PELP1: variants seen among roughly 807,000 people sequenced by gnomAD.
The protein encoded by PELP1 is proline, glutamate and leucine rich protein 1.
Under a neutral mutation model 95.5 loss-of-function variants are expected in PELP1, and 32 were observed. The ratio of observed to expected loss-of-function variants is 0.34; its 90% CI spans 0.25 to 0.45. PELP1 has a LOEUF of 0.45. Among genes scored for constraint, PELP1 ranks in the 20% least tolerant of loss-of-function variants. The probability of loss-of-function intolerance (pLI) is 1.00; values close to 1 mark genes in which losing one functional copy is unlikely to be tolerated. For synonymous variants in PELP1, 668 were observed against 600.1 expected (o/e 1.11, Z -1.65); for missense variants, 1,358 against 1,444.8 (o/e 0.94, Z 0.97).
At chr17:4,702,504 T>C (rs1034597174) in intron 1 of PELP1, among the ~76,000 whole-genome samples, 2 of 152,150 alleles carry the variant, frequency 1.3e-5, no homozygotes, top group African/African-American at 2.4e-5. Flanking sequence ...GAAAACCACA[T>C]AAATTAGAAG....
Position 4,670,872 on chromosome 17 carries a change from C to A in PELP1, c.*567G>T, listed in dbSNP as rs1912168922. 6.5e-6 allele frequency: 1 copy of A among 154,144 alleles called. No individual in the cohort carries two copies. The highest frequency in any genetic ancestry group is 1.4e-5 in the Non-Finnish European group (1 of 69,532). The allele number at this position is 154,144 out of a possible 1,614,324, so 9.5% of individuals were successfully genotyped here. On this transcript the variant is annotated 3_prime_UTR_variant, in exon 17 of 17. Coordinates refer to ENST00000572293, the MANE Select transcript of PELP1 (RefSeq NM_014389.3). ...CTAGCCCCAAAACAGAGGTCATTCC[C>A]AACGTACCCACTACGGACACCCTTT...
At chr17:4,703,811 G>C (rs1913648370) in intron 1 of PELP1, 52 bp downstream of exon 1, 7 of 1,496,948 alleles carry the variant, frequency 4.7e-6, no homozygotes, top group African/African-American at 1.4e-5. Context: ...CGGCGCACAG[G>C]TGCCGCGCCA....
rs1183924973 is a variant in PELP1 at position 4,671,377 on chromosome 17, G to A, written c.*62C>T. On this transcript the variant is annotated 3_prime_UTR_variant, in exon 17 of 17. Coordinates refer to ENST00000572293, the MANE Select transcript of PELP1 (RefSeq NM_014389.3). ...GACCCAGGTGTGGCAAAAGGCAGAA[G>A]CAGCAGTCGCTATCTAAGGACATAA... The A allele has an allele frequency of 1.1e-6, 1 of 938,572 alleles. No homozygotes were observed. Among genetic ancestry groups the A allele is most frequent in the Admixed American group, 1.8e-5 (1 of 54,828 alleles). 58.1% of individuals were successfully genotyped at this position (938,572 alleles called of 1,614,324 possible).
chr17:4,697,446 C>A (rs1467667333), intron 1 of PELP1, among the ~76,000 whole-genome samples: 1 of 152,006 alleles, frequency 6.6e-6, no homozygotes, highest in Non-Finnish European at 1.5e-5. Flanking sequence ...CCTGGAAGAT[C>A]AAGGATGCAG....
At chr17:4,700,992 TAA>T (rs34278447) in intron 1 of PELP1, among the ~76,000 whole-genome samples, 2,277 of 29,114 alleles carry the variant, frequency 0.078, 17 homozygotes, top group Middle Eastern at 0.22. Context: ...AAAGTTCCAC[TAA>T]AAAAAAAAAA....
chr17:4,674,733 GAC>G, intron 12 of PELP1, 64 bp from the exon 13 acceptor site: 1 of 1,587,050 alleles, frequency 6.3e-7, no homozygotes, highest in Non-Finnish European at 8.6e-7. Context: ...AGCCACAGCA[GAC>G]AGTGTTTCCT....
chr17:4,683,915 C>G (rs1335592112), intron 3 of PELP1, among the ~76,000 whole-genome samples: 1 of 148,262 alleles, frequency 6.7e-6, no homozygotes. Context: ...CTTGGCTCAC[C>G]GCAGCCCTGG....
chr17:4,692,110 G>A (rs1292325486), intron 1 of PELP1, among the ~76,000 whole-genome samples: 2 of 152,166 alleles, frequency 1.3e-5, no homozygotes, highest in Non-Finnish European at 2.9e-5. Context: ...GGAATACAGA[G>A]CTGAATAAAA....
chr17:4,698,658 C>G lies in PELP1; in HGVS notation c.249+5205G>C, dbSNP rs1913400013. Among the ~76,000 whole-genome samples, 2 of 81,016 alleles carry G rather than the reference C, an allele frequency of 2.5e-5. 1 individual carries two copies. Among genetic ancestry groups the G allele is most frequent in the East Asian group, 8.0e-4 (2 of 2,508 alleles). The allele number at this position is 81,016 out of a possible 152,430, so 53.1% of individuals were successfully genotyped here. On this transcript the variant is annotated intron_variant, in intron 1 of 16. Coordinates refer to ENST00000572293, the MANE Select transcript of PELP1 (RefSeq NM_014389.3). The stretch of plus-strand genomic sequence containing the variant: ...TTGTCTCAAAAAAAAAAAAACAAGG[C>G]AAAACAAACAACAACAAAAAAAACA...
Position 4,673,379 on chromosome 17 carries a change from G to A in PELP1, c.1716C>T (p.Ser572=), listed in dbSNP as rs540276636. 2 of 1,597,382 alleles carry A rather than the reference G, an allele frequency of 1.3e-6. No individual in the cohort carries two copies. The highest frequency in any genetic ancestry group is 1.1e-5 in the South Asian group (1 of 88,398). The change falls in exon 15 of 17, where the codon AGC becomes AGT. Residue 572 remains serine, a synonymous_variant. Coordinates refer to ENST00000572293, the MANE Select transcript of PELP1 (RefSeq NM_014389.3). This position sits in a 1 kb window ranked among gnomAD's most constrained non-coding sequence, Gnocchi z 5.7. ...GEVLGSSPYT[S]SRCRRELYCL... Reference sequence around the variant, plus strand: ...AGTAGAGTTCACGGCGGCAGCGGGAGCTCGTGTACGGGGAGCTGCCTAGGA... The same window carrying A: ...AGTAGAGTTCACGGCGGCAGCGGGAACTCGTGTACGGGGAGCTGCCTAGGA...
chr17:4,672,162 CTCT>C lies in PELP1; in HGVS notation c.2826_2828del (p.Glu949del). On this transcript the variant is annotated inframe_deletion, in exon 16 of 17. Coordinates refer to ENST00000572293, the MANE Select transcript of PELP1 (RefSeq NM_014389.3). Reference sequence around the variant, plus strand: ...CCTCATCCTCCTCTTCTTCTTCTTCCTCTAACTCACCTTCTTCTTCCTCAAATT... The same window carrying C: ...CCTCATCCTCCTCTTCTTCTTCTTCCAACTCACCTTCTTCTTCCTCAAATT... 2 of 1,552,022 alleles carry C rather than the reference CTCT, an allele frequency of 1.3e-6. No individual in the cohort carries two copies. The highest frequency in any genetic ancestry group is 1.7e-6 in the Non-Finnish European group (2 of 1,147,198).
In PELP1 at chr17:4,673,246, T is replaced by C; in HGVS notation, c.1845+4A>G. The stretch of plus-strand genomic sequence containing the variant: ...CAAAGAGGGGCTTGGCCCATCACAG[T>C]TACCTCAAGGCTATCTTCTCGCTGG... On this transcript the variant is annotated splice_donor_region_variant and intron_variant, in intron 15 of 16. Coordinates refer to ENST00000572293, the MANE Select transcript of PELP1 (RefSeq NM_014389.3). The surrounding 1 kb of genome is among the most constrained non-coding windows in gnomAD (Gnocchi z 5.7). 6.4e-7 allele frequency: 1 copy of C among 1,564,546 alleles called. No individual in the cohort carries two copies. Among genetic ancestry groups the C allele is most frequent in the Non-Finnish European group, 8.7e-7 (1 of 1,153,328 alleles).
At chr17:4,691,674 C>G in intron 1 of PELP1, 1 of 529,628 alleles carries the variant, frequency 1.9e-6, no homozygotes, top group Non-Finnish European at 3.4e-6. Context: ...TCCCTCCATG[C>G]CCCACCCAAG....
intron 3 of PELP1, among the ~76,000 whole-genome samples, chr17:4,683,829 C>CTTTTT (rs994295435): frequency 1.1e-5 from 1 of 91,276 alleles, no homozygotes; most frequent in Non-Finnish European, 2.0e-5. Context: ...AGTGCCCAGC[C>CTTTTT]TTTTTTTTTT....
intron 1 of PELP1, among the ~76,000 whole-genome samples, chr17:4,698,399 A>C (rs1913379511): frequency 6.6e-6 from 1 of 152,004 alleles, no homozygotes; most frequent in Non-Finnish European, 1.5e-5. Flanking sequence ...TCGGGAGGAC[A>C]ACGCGGGTGG....
Position 4,703,914 on chromosome 17 carries a change from C to T in PELP1, c.198G>A (p.Leu66=). Reference sequence around the variant, plus strand: ...GCCGCAATAGGCACATGAGCCCGGGCAAATGTGGGGCCGAGCGGTTTGGGG... The same window carrying T: ...GCCGCAATAGGCACATGAGCCCGGGTAAATGTGGGGCCGAGCGGTTTGGGG... ...VHPPNRSAPH[L]PGLMCLLRLH... The change falls in exon 1 of 17, where the codon TTG becomes TTA. Residue 66 remains leucine, a synonymous_variant. Coordinates refer to ENST00000572293, the MANE Select transcript of PELP1 (RefSeq NM_014389.3). The T allele has an allele frequency of 6.2e-7, 1 of 1,613,516 alleles. No individual in the cohort carries two copies. The highest frequency in any genetic ancestry group is 8.5e-7 in the Non-Finnish European group (1 of 1,179,732).
At chr17:4,688,355 G>A (rs1291701290) in intron 3 of PELP1, among the ~76,000 whole-genome samples, 9 of 151,712 alleles carry the variant, frequency 5.9e-5, no homozygotes, top group Non-Finnish European at 1.3e-4. Context: ...AAAAAAGGAA[G>A]AAAGGAAGAA....
chr17:4,675,422 C>A lies in PELP1; in HGVS notation c.1069-60G>T. The stretch of plus-strand genomic sequence containing the variant: ...GAAGAAAGTGAGAGCCAGAGAGAGA[C>A]AGAAACAGGGAATGACCATTTACAT... On this transcript the variant is annotated intron_variant, in intron 9 of 16. Coordinates refer to ENST00000572293, the MANE Select transcript of PELP1 (RefSeq NM_014389.3). This position sits in a 1 kb window ranked among gnomAD's most constrained non-coding sequence, Gnocchi z 4.3. 1 of 1,073,728 alleles carries A rather than the reference C, an allele frequency of 9.3e-7. No homozygotes were observed. The highest frequency in any genetic ancestry group is 2.6e-5 in the East Asian group (1 of 38,824). The allele number at this position is 1,073,728 out of a possible 1,614,324, so 66.5% of individuals were successfully genotyped here. A position where few individuals can be genotyped will look rare whatever the true frequency, so the allele number is the denominator to read the frequency against.
rs192026379 is a variant in PELP1, at chr17:4,691,361, A to C, written c.314+17T>G. 1 of 1,601,968 alleles carries C rather than the reference A, an allele frequency of 6.2e-7. No homozygotes were observed. The highest frequency in any genetic ancestry group is 8.6e-7 in the Non-Finnish European group (1 of 1,169,530). ...AGGGAACACGCCCCTGGAGAAAAAA[A>C]AGGGCCAAAGACTTACCGAGTTTTG... On this transcript the variant is annotated intron_variant, in intron 2 of 16. Coordinates refer to ENST00000572293, the MANE Select transcript of PELP1 (RefSeq NM_014389.3).
Sources: gnomAD v4.1 joint callset for allele counts (sites outside exome capture counted in the v4.1 genomes callset) on GRCh38, gnomAD v4.1.1 for gene constraint, Gnocchi (gnomAD v3.1) non-coding constraint, MANE v1.5 for transcripts, NCBI Gene and HGNC (gene_info 2026-07-23, HGNC 2026-07-21) for gene names.